THADA: variants seen among roughly 807,000 people sequenced by gnomAD.
THADA encodes the protein tRNA (32-2'-O)-methyltransferase regulator THADA.
THADA carries 213 observed loss-of-function variants against 219.8 expected under a neutral mutation model. The observed-to-expected ratio is 0.97, with a 90% CI of 0.87 to 1.09. The LOEUF (loss-of-function observed/expected upper bound fraction) is 1.09, where lower values mean the gene tolerates loss of function less well. Among genes scored for constraint, THADA ranks in the 50% least tolerant of loss-of-function variants. THADA has a pLI of 0.00. For missense variants in THADA, 2,956 were observed against 2,311.3 expected (o/e 1.28, Z -5.72); for synonymous variants, 1,018 against 828.9 (o/e 1.23, Z -3.92).
chr2:43,501,084 T>C (rs946303312), intron 24 of THADA, among the ~76,000 whole-genome samples: 8 of 151,814 alleles, frequency 5.3e-5, no homozygotes, highest in African/African-American at 1.9e-4. Flanking sequence ...AGTAGGTGGA[T>C]CACCTGAGGT....
rs34371571 is a variant in THADA at position 43,300,930 on chromosome 2, AT to A, written c.4439-7718del. 5.9e-5 allele frequency among the ~76,000 whole-genome samples: 9 copies of A among 152,288 alleles called. No individual in the cohort carries two copies. In the East Asian group the frequency reaches 1.7e-3, roughly 29 times the overall value. On this transcript the variant is annotated intron_variant, in intron 31 of 37. Coordinates refer to ENST00000405975, the MANE Select transcript of THADA (RefSeq NM_022065.5). ...TCCTGGGATGGGGCTGATGATTTGC[AT>A]TTTCAACAAGCTCACAGGTGAAGCT...
rs1178915152 is a variant in THADA at position 43,574,418 on chromosome 2, G to C, written c.1647C>G (p.Tyr549Ter). The C allele has an allele frequency of 6.2e-7, 1 of 1,610,878 alleles. No individual in the cohort carries two copies. The highest frequency in any genetic ancestry group is 1.1e-5 in the South Asian group (1 of 90,588). The change falls in exon 11 of 38, where the codon TAC becomes TAG. Residue 549 changes from tyrosine (Y) to a stop codon, truncating the protein, a stop_gained. Coordinates refer to ENST00000405975, the MANE Select transcript of THADA (RefSeq NM_022065.5). LOFTEE classifies it high-confidence loss of function. ...LDQKSYVIDY[Y>*]LPKLLSYSPE... Reference sequence around the variant, plus strand: ...GGCTGTAACTTAATAATTTTGGCAAGTAATAATCAATCACGTAAGATTTTT... The same window carrying C: ...GGCTGTAACTTAATAATTTTGGCAACTAATAATCAATCACGTAAGATTTTT...
At chr2:43,391,002 T>C (rs1366992001) in intron 29 of THADA, among the ~76,000 whole-genome samples, 1 of 152,188 alleles carries the variant, frequency 6.6e-6, no homozygotes, top group Non-Finnish European at 1.5e-5. Flanking sequence ...TGGGCTTGAA[T>C]CTCAGTTTTG....
chr2:43,529,140 C>T (rs985950102), intron 21 of THADA, among the ~76,000 whole-genome samples: 1 of 151,318 alleles, frequency 6.6e-6, no homozygotes, highest in Non-Finnish European at 1.5e-5. Flanking sequence ...AGACAAATAA[C>T]AAATATGACT....
chr2:43,502,388 T>C (rs548999936), intron 24 of THADA, among the ~76,000 whole-genome samples: 17 of 152,156 alleles, frequency 1.1e-4, no homozygotes, highest in African/African-American at 4.1e-4. Context: ...AGTTCGAGAC[T>C]AGCCTGGTCA....
At chr2:43,501,747 C>CAGTCT (rs776124990) in intron 24 of THADA, among the ~76,000 whole-genome samples, 4 of 151,974 alleles carry the variant, frequency 2.6e-5, no homozygotes, top group Non-Finnish European at 5.9e-5. Context: ...AGTTCAAGAC[C>CAGTCT]AGTCTGGCCA....
chr2:43,359,557 G>A (rs1422792464), intron 29 of THADA, among the ~76,000 whole-genome samples: 2 of 152,188 alleles, frequency 1.3e-5, no homozygotes, highest in Non-Finnish European at 2.9e-5. Flanking sequence ...GCGGGTGCCT[G>A]TAATCCCAGC....
At chr2:43,435,525 G>A (rs1679976849) in intron 26 of THADA, among the ~76,000 whole-genome samples, 1 of 152,066 alleles carries the variant, frequency 6.6e-6, no homozygotes, top group Non-Finnish European at 1.5e-5. Flanking sequence ...GCTCATGCCT[G>A]CAATTCCAGC....
At chr2:43,470,598 G>A (rs569717306) in intron 26 of THADA, among the ~76,000 whole-genome samples, 4 of 152,248 alleles carry the variant, frequency 2.6e-5, no homozygotes, top group African/African-American at 9.6e-5. Flanking sequence ...TATAAAAACT[G>A]AACACTCACG....
At chr2:43,528,076 C>A in intron 21 of THADA, 88 bp from the exon 22 acceptor site, 1 of 736,252 alleles carries the variant, frequency 1.4e-6, no homozygotes, top group South Asian at 1.6e-5. Context: ...GAACCCAGGT[C>A]TAGGGGTCCA....
At chr2:43,295,989 G>C (rs192411903) in intron 31 of THADA, among the ~76,000 whole-genome samples, 1 of 148,664 alleles carries the variant, frequency 6.7e-6, no homozygotes, top group Non-Finnish European at 1.5e-5. Flanking sequence ...GTGCGATCTC[G>C]GCTCACTGCA....
chr2:43,555,915 G>A (rs527535881), intron 17 of THADA, among the ~76,000 whole-genome samples: 5 of 152,214 alleles, frequency 3.3e-5, no homozygotes, highest in Admixed American at 3.3e-4. Flanking sequence ...TCAGACCCTA[G>A]GTTTTGGAAC....
At chr2:43,558,847 C>G (rs1317086674) in intron 16 of THADA, among the ~76,000 whole-genome samples, 1 of 152,150 alleles carries the variant, frequency 6.6e-6, no homozygotes, top group Non-Finnish European at 1.5e-5. Context: ...ATTCCTTTAA[C>G]TATTTTACTA....
chr2:43,398,943 C>T (rs1391672378), intron 28 of THADA, among the ~76,000 whole-genome samples: 1 of 152,100 alleles, frequency 6.6e-6, no homozygotes, highest in African/African-American at 2.4e-5. Context: ...GGAATAAAAG[C>T]CAGTTCTTAA....
chr2:43,289,531 C>A (rs531376641), intron 34 of THADA, among the ~76,000 whole-genome samples: 112 of 152,300 alleles, frequency 7.4e-4, no homozygotes, highest in Non-Finnish European at 1.4e-3. Context: ...CATTAAATAT[C>A]ACTTTATTCA....
intron 29 of THADA, among the ~76,000 whole-genome samples, chr2:43,368,851 A>C (rs1670476466): frequency 6.6e-6 from 1 of 152,122 alleles, no homozygotes; most frequent in Non-Finnish European, 1.5e-5. Context: ...TAACATCACA[A>C]GTTAGAAAAC....
At chr2:43,411,799 G>T (rs569832268) in intron 28 of THADA, among the ~76,000 whole-genome samples, 1 of 152,248 alleles carries the variant, frequency 6.6e-6, no homozygotes, top group African/African-American at 2.4e-5. Flanking sequence ...TCAGAAGCAC[G>T]GTACATTATT....
At chr2:43,400,470 T>TATATATATATATAAAA (rs1273903312) in intron 28 of THADA, among the ~76,000 whole-genome samples, 12 of 143,452 alleles carry the variant, frequency 8.4e-5, no homozygotes, top group African/African-American at 2.8e-4. Flanking sequence ...TATATATATA[T>TATATATATATATAAAA]ATATATAAAT....
chr2:43,404,871 T>C (rs1675344067), intron 28 of THADA, among the ~76,000 whole-genome samples: 1 of 152,220 alleles, frequency 6.6e-6, no homozygotes, highest in Non-Finnish European at 1.5e-5. Flanking sequence ...GCTCATTTCA[T>C]AGGGCTGTTG....
Sources: allele counts gnomAD v4.1 joint callset (sites outside exome capture counted in the v4.1 genomes callset), GRCh38; gene constraint gnomAD v4.1.1; transcripts MANE v1.5; gene names NCBI Gene and HGNC (gene_info 2026-07-23, HGNC 2026-07-21).